KCNK7: variants seen among roughly 807,000 people sequenced by gnomAD.
The protein encoded by KCNK7 is potassium channel subfamily K member 7.
A neutral mutation model predicts 18.1 loss-of-function variants in KCNK7; 14 were observed. The observed-to-expected ratio is 0.77, with a 90% CI of 0.51 to 1.21. The LOEUF (loss-of-function observed/expected upper bound fraction) is 1.21. Ranked by LOEUF, KCNK7 falls within the 50% of genes most tolerant of loss-of-function variation. The pLI is 0.00. For synonymous variants in KCNK7, 188 were observed against 184.7 expected, an observed-to-expected ratio of 1.02 and a Z score of -0.15; for missense variants, 385 against 387.3, an observed-to-expected ratio of 0.99 and a Z score of 0.05.
At position 65,593,529 on chromosome 11, in the gene KCNK7, C is replaced by CGGCCGG. The variant is rs1265181374; in HGVS notation, c.659_664dup (p.Pro220_Gly221dup). On this transcript the variant is annotated inframe_insertion, in exon 2 of 3. Coordinates refer to ENST00000340313, the MANE Select transcript of KCNK7 (RefSeq NM_033347.2). ...AATCACGGGGTGCAGGCTGCGGCCG[C>CGGCCGG]GGCCGGGCAGCAAGTCCTCCAGGCC... is the stretch of plus-strand genomic sequence containing the variant. 6.2e-7 allele frequency: 1 copy of CGGCCGG among 1,612,302 alleles called. No homozygotes were observed. Among genetic ancestry groups the CGGCCGG allele is most frequent in the Non-Finnish European group, 8.5e-7 (1 of 1,180,024 alleles).
Position 65,593,590 on chromosome 11 carries a change from C to G in KCNK7, c.604G>C (p.Ala202Pro), listed in dbSNP as rs369551762. The G allele has an allele frequency of 1.9e-6, 3 of 1,606,356 alleles. No homozygotes were observed. The highest frequency in any genetic ancestry group is 2.5e-6 in the Non-Finnish European group (3 of 1,179,886). The change falls in exon 2 of 3, where the codon GCC becomes CCC. Residue 202 changes from alanine to proline, a missense_variant. Ala to Pro is a conservative substitution (Grantham distance 27). Coordinates refer to ENST00000340313, the MANE Select transcript of KCNK7 (RefSeq NM_033347.2). ...GLQGDCSLLG[A>P]VYFCFSSLST... ...AGCGAGCTGAAGCAGAAGTAGACGG[C>G]CCCCAGCAGGCTGCAGTCGCCCTGA...
Position 65,593,192 on chromosome 11 carries a change from A to G in KCNK7, c.737T>C (p.Leu246Pro), listed in dbSNP as rs769873237. Residue 246 changes from leucine (L) to proline (P), a missense_variant, in exon 3 of 3, where the codon CTC becomes CCC. Coordinates refer to ENST00000340313, the MANE Select transcript of KCNK7 (RefSeq NM_033347.2). ...CTCCACTGCCAGCAGCATGGCCAAG[A>G]GTCCTAGAAGCAAGTAACCTGGGGA... ...LALLGYLLLG[L>P]LAMLLAVETF... 6.2e-7 allele frequency: 1 copy of G among 1,613,478 alleles called. No individual in the cohort carries two copies. Among genetic ancestry groups the G allele is most frequent in the Non-Finnish European group, 8.5e-7 (1 of 1,179,692 alleles).
At position 65,593,048 on chromosome 11, in the gene KCNK7, A is replaced by G. The variant is rs1858442898; in HGVS notation, c.881T>C (p.Leu294Pro). The G allele has an allele frequency of 1.9e-6, 3 of 1,611,426 alleles. No individual in the cohort carries two copies. In the East Asian group the frequency reaches 6.7e-5, roughly 36 times the overall value. Reference sequence around the variant, plus strand: ...TCCTGAAGCTGGGGCCGCGGGCGGCAGGGTGCTCAGAGCCAGTTCATCCTG... The same window carrying G: ...TCCTGAAGCTGGGGCCGCGGGCGGCGGGGTGCTCAGAGCCAGTTCATCCTG... ...LGQDELALST[L>P]PPAAPASGQA... is the part of the protein sequence containing the mutation. Residue 294 changes from leucine to proline, a missense_variant, in exon 3 of 3, where the codon CTG becomes CCG. Leu to Pro is a moderately conservative substitution (Grantham distance 98, BLOSUM62 -3). Transcript: ENST00000340313.
chr11:65,595,143 C>T (rs1228400758), intron 1 of KCNK7, among the ~76,000 whole-genome samples: 1 of 152,214 alleles, frequency 6.6e-6, no homozygotes, highest in African/African-American at 2.4e-5. Flanking sequence ...TATTTGCTTC[C>T]ATCCAAGAAT....
chr11:65,593,355 C>T (rs770773638), intron 2 of KCNK7, 121 bp downstream of exon 2: 11 of 1,613,964 alleles, frequency 6.8e-6, no homozygotes, highest in Non-Finnish European at 8.5e-6. Flanking sequence ...ACCCCTCCCA[C>T]GCCGTGCCCT....
Position 65,595,503 on chromosome 11 carries a change from C to G in KCNK7, c.270G>C (p.Trp90Cys), listed in dbSNP as rs781648189. 6.6e-7 allele frequency: 1 copy of G among 1,516,424 alleles called. No homozygotes were observed. Among genetic ancestry groups the G allele is most frequent in the Non-Finnish European group, 8.9e-7 (1 of 1,122,160 alleles). 93.9% of individuals were successfully genotyped at this position (1,516,424 alleles called of 1,614,324 possible). Residue 90 changes from tryptophan to cysteine, a missense_variant, in exon 1 of 3, where the codon TGG becomes TGC. Coordinates refer to ENST00000340313, the MANE Select transcript of KCNK7 (RefSeq NM_033347.2). ...CGAAGAGCAGGGCTGAGGGAAGGTC[C>G]CAGGTCCTGCCCTCTGAGCTGTTGC... Reference protein sequence around the residue: ...TLGNSSEGRTWDLPSALLFAA... With the variant: ...TLGNSSEGRTCDLPSALLFAA...
intron 2 of KCNK7, 21 bp from the exon 3 acceptor site, chr11:65,593,231 G>A (rs1163761426): frequency 3.7e-6 from 6 of 1,612,660 alleles, no homozygotes; most frequent in Non-Finnish European, 5.1e-6. Flanking sequence ...GAAGGTGCTG[G>A]GGCAGCGCCT....
Position 65,595,606 on chromosome 11 carries a change from G to A in KCNK7, c.167C>T (p.Ala56Val). 1.9e-6 allele frequency: 3 copies of A among 1,601,114 alleles called. No homozygotes were observed. Among genetic ancestry groups the A allele is most frequent in the East Asian group, 2.3e-5 (1 of 44,418 alleles). ...TTCCAGAGCTCCGGGTGGCAGGCAGGCCCTATGCTCTGCCTGGAAGGCTGC... is the reference window on the plus strand; with the variant it reads ...TTCCAGAGCTCCGGGTGGCAGGCAGACCCTATGCTCTGCCTGGAAGGCTGC... Reference protein sequence around the residue: ...ELAAFQAEHRACLPPGALEEL... With the variant: ...ELAAFQAEHRVCLPPGALEEL... The change falls in exon 1 of 3, where the codon GCC becomes GTC. Residue 56 changes from alanine to valine, a missense_variant. Physicochemically the swap from Ala to Val is moderately conservative, Grantham distance 64. Transcript: ENST00000340313.
chr11:65,592,979 G>A lies in KCNK7; in HGVS notation c.*26C>T, dbSNP rs1056144285. 1 of 1,604,760 alleles carries A rather than the reference G, an allele frequency of 6.2e-7. No homozygotes were observed. The highest frequency in any genetic ancestry group is 8.5e-7 in the Non-Finnish European group (1 of 1,176,156). The stretch of plus-strand genomic sequence containing the variant: ...TCCTCCTCAGGTGCCGCCACCTTAC[G>A]GAGCTGAACTCGGTCACCTGACGCT... On this transcript the variant is annotated 3_prime_UTR_variant, in exon 3 of 3. Coordinates refer to ENST00000340313, the MANE Select transcript of KCNK7 (RefSeq NM_033347.2).
At chr11:65,594,000 G>GA in intron 1 of KCNK7, 126 bp from the exon 2 acceptor site, 14 of 984,450 alleles carry the variant, frequency 1.4e-5, no homozygotes, top group Admixed American at 9.9e-5. Context: ...GCCAGGCCCA[G>GA]GTTCTAGCTG....
intron 1 of KCNK7, 93 bp downstream of exon 1, chr11:65,595,361 G>C: frequency 8.5e-7 from 1 of 1,174,892 alleles, no homozygotes; most frequent in Non-Finnish European, 1.1e-6. Flanking sequence ...GGCTCTTTGG[G>C]GCTGAAGGAA....
chr11:65,594,726 C>T (rs751598610), intron 1 of KCNK7, among the ~76,000 whole-genome samples: 3 of 152,086 alleles, frequency 2.0e-5, no homozygotes, highest in African/African-American at 2.4e-5. Context: ...AAAAATTAGC[C>T]GGGCATGGTG....
At chr11:65,594,960 G>T (rs1854323680) in intron 1 of KCNK7, among the ~76,000 whole-genome samples, 1 of 152,154 alleles carries the variant, frequency 6.6e-6, no homozygotes, top group African/African-American at 2.4e-5. Flanking sequence ...AGGGCTGTGG[G>T]TCTCATTGCT....
chr11:65,595,364 TGAAG>T (rs1369464887), intron 1 of KCNK7, 86 bp downstream of exon 1: 91 of 1,193,178 alleles, frequency 7.6e-5, no homozygotes, highest in Admixed American at 1.6e-4. Flanking sequence ...TCTTTGGGGC[TGAAG>T]GAAGGGCTGC....
At position 65,593,003 on chromosome 11, in the gene KCNK7, C is replaced by T. The variant is rs1858438893; in HGVS notation, c.*2G>A. Reference sequence around the variant, plus strand: ...CGGAGCTGAACTCGGTCACCTGACGCTTCAGCAAGCAGGGGCTTGTCCTGA... The same window carrying T: ...CGGAGCTGAACTCGGTCACCTGACGTTTCAGCAAGCAGGGGCTTGTCCTGA... On this transcript the variant is annotated 3_prime_UTR_variant, in exon 3 of 3. Coordinates refer to ENST00000340313, the MANE Select transcript of KCNK7 (RefSeq NM_033347.2). The T allele has an allele frequency of 1.2e-6, 2 of 1,612,558 alleles. No individual in the cohort carries two copies. Among genetic ancestry groups the T allele is most frequent in the Admixed American group, 1.7e-5 (1 of 59,990 alleles).
At position 65,592,838 on chromosome 11, in the gene KCNK7, G is replaced by C. The variant is rs1365463578; in HGVS notation, c.*167C>G. Reference sequence around the variant, plus strand: ...GCTCAGGGAAGTCCCATTCGAAATAGTTGAAAATAGCCGAAGTCGTTGCTC... The same window carrying C: ...GCTCAGGGAAGTCCCATTCGAAATACTTGAAAATAGCCGAAGTCGTTGCTC... On this transcript the variant is annotated 3_prime_UTR_variant, in exon 3 of 3. Coordinates refer to ENST00000340313, the MANE Select transcript of KCNK7 (RefSeq NM_033347.2). 8.3e-6 allele frequency: 7 copies of C among 844,658 alleles called. No homozygotes were observed. The South Asian group carries it at 1.3e-4, about 15-fold the overall frequency. 52.3% of individuals were successfully genotyped at this position (844,658 alleles called of 1,614,324 possible). A position where few individuals can be genotyped will look rare whatever the true frequency, so the allele number is the denominator to read the frequency against.
rs1289325065 is a variant in KCNK7, at chr11:65,593,558, G to T, written c.636C>A (p.Thr212=). The change falls in exon 2 of 3, where the codon ACC becomes ACA. Residue 212 remains threonine, a synonymous_variant. Transcript: ENST00000340313. Reference sequence around the variant, plus strand: ...CGGGCAGCAAGTCCTCCAGGCCAATGGTGCTGAGCGAGCTGAAGCAGAAGT... The same window carrying T: ...CGGGCAGCAAGTCCTCCAGGCCAATTGTGCTGAGCGAGCTGAAGCAGAAGT... ...AVYFCFSSLS[T]IGLEDLLPGR... 1 of 1,609,966 alleles carries T rather than the reference G, an allele frequency of 6.2e-7. No homozygotes were observed.
rs781070116 is a variant in KCNK7, at chr11:65,595,733, C to T, written c.40G>A (p.Val14Ile). Residue 14 changes from valine (V) to isoleucine (I), a missense_variant, in exon 1 of 3, where the codon GTT becomes ATT. Physicochemically the swap from Val to Ile is conservative, Grantham distance 29. Transcript: ENST00000340313. ...LRPWSRYGLL[V>I]VAHLLALGLG... ...CCCAGGGCCAGCAAGTGGGCCACAA[C>T]CAGGAGCCCGTATCGGGACCAGGGC... 5 of 1,579,206 alleles carry T rather than the reference C, an allele frequency of 3.2e-6. No homozygotes were observed. In the South Asian group the frequency reaches 3.4e-5, roughly 11 times the overall value.
chr11:65,593,218 G>A lies in KCNK7; in HGVS notation c.719-8C>T. 1 of 1,612,996 alleles carries A rather than the reference G, an allele frequency of 6.2e-7. No homozygotes were observed. Among genetic ancestry groups the A allele is most frequent in the East Asian group, 2.2e-5 (1 of 44,786 alleles). On this transcript the variant is annotated splice_region_variant and splice_polypyrimidine_tract_variant and intron_variant, in intron 2 of 2. Coordinates refer to ENST00000340313, the MANE Select transcript of KCNK7 (RefSeq NM_033347.2). Reference sequence around the variant, plus strand: ...GTCCTAGAAGCAAGTAACCTGGGGAGGAGAAGGTGCTGGGGCAGCGCCTGG... The same window carrying A: ...GTCCTAGAAGCAAGTAACCTGGGGAAGAGAAGGTGCTGGGGCAGCGCCTGG...
Sources: gnomAD v4.1 joint callset for allele counts (sites outside exome capture counted in the v4.1 genomes callset) on GRCh38, gnomAD v4.1.1 for gene constraint, MANE v1.5 for transcripts, NCBI Gene and HGNC (gene_info 2026-07-23, HGNC 2026-07-21) for gene names.